Variants in FOXN3 observed in about 807,000 individuals in gnomAD.
The protein encoded by FOXN3 is forkhead box N3, also known as forkhead box protein N3.
Under a neutral mutation model 38.4 loss-of-function variants are expected in FOXN3, and 7 were observed. The observed-to-expected ratio is 0.18, with a 90% CI of 0.10 to 0.34. The LOEUF is 0.34. Ranked by LOEUF, FOXN3 falls within the 10% of genes least tolerant of loss-of-function variation. The probability of loss-of-function intolerance (pLI) is 1.00; values close to 1 mark genes in which losing one functional copy is unlikely to be tolerated. For missense variants in FOXN3, 456 were observed against 613.4 expected (o/e 0.74, Z 2.71); for synonymous variants, 230 against 242.2 (o/e 0.95, Z 0.47).
chr14:89,493,647 C>T (rs1893624355), intron 1 of FOXN3, among the ~76,000 whole-genome samples: 1 of 152,080 alleles, frequency 6.6e-6, no homozygotes, highest in Non-Finnish European at 1.5e-5. Context: ...CAATGGAGCC[C>T]CGATTTCCCC....
chr14:89,199,963 A>G (rs1004190293), intron 4 of FOXN3, among the ~76,000 whole-genome samples: 6 of 152,188 alleles, frequency 3.9e-5, no homozygotes, highest in Non-Finnish European at 5.9e-5. Flanking sequence ...ATTTTATACA[A>G]GAGATTTGAA....
chr14:89,387,506 C>A (rs191223479), intron 2 of FOXN3, among the ~76,000 whole-genome samples: 14 of 152,302 alleles, frequency 9.2e-5, no homozygotes, highest in Middle Eastern at 3.4e-3. Flanking sequence ...ACACAGCTAG[C>A]AAGTCGTAAA....
intron 4 of FOXN3, among the ~76,000 whole-genome samples, chr14:89,262,107 GA>G (rs939283429): frequency 7.7e-4 from 112 of 144,604 alleles, no homozygotes; most frequent in African/African-American, 2.7e-3. Context: ...TGTCTCAAAA[GA>G]AAAAAAAAAG....
chr14:89,172,415 A>G (rs1887412908), intron 5 of FOXN3, among the ~76,000 whole-genome samples: 1 of 152,098 alleles, frequency 6.6e-6, no homozygotes, highest in East Asian at 1.9e-4. Flanking sequence ...ATCCACAACA[A>G]ATTGATGTAG....
At chr14:89,594,633 C>A (rs1028800730) in intron 1 of FOXN3, among the ~76,000 whole-genome samples, 1 of 152,086 alleles carries the variant, frequency 6.6e-6, no homozygotes, top group Non-Finnish European at 1.5e-5. Context: ...AAATTATAGA[C>A]GTTGTAAATA....
At chr14:89,378,947 T>C (rs1267707316) in intron 2 of FOXN3, among the ~76,000 whole-genome samples, 1 of 152,176 alleles carries the variant, frequency 6.6e-6, no homozygotes, top group Non-Finnish European at 1.5e-5. Context: ...CCTCAAGTGA[T>C]CCACCTGCCT....
At chr14:89,456,822 G>C (rs554269284) in intron 1 of FOXN3, among the ~76,000 whole-genome samples, 1 of 152,332 alleles carries the variant, frequency 6.6e-6, no homozygotes, top group East Asian at 1.9e-4. Context: ...TGAGAAGCCA[G>C]TCAGAGATGG....
chr14:89,377,054 A>AG, intron 2 of FOXN3, among the ~76,000 whole-genome samples: 1 of 133,264 alleles, frequency 7.5e-6, no homozygotes, highest in Non-Finnish European at 1.6e-5. Flanking sequence ...AAAAAAAAAA[A>AG]GCTTGAGCCT....
In FOXN3 at chr14:89,336,736, T is replaced by C. The variant is rs569216316; in HGVS notation, c.680+13936A>G. 2.4e-4 allele frequency among the ~76,000 whole-genome samples: 37 copies of C among 152,304 alleles called. 1 individual carries two copies. The South Asian group carries it at 7.3e-3, about 30-fold the overall frequency. On this transcript the variant is annotated intron_variant, in intron 3 of 5. Transcript: ENST00000557258. ...GGAGTCCAAAGCAGATGGAATAAAATAAATTTAAAATTCTTTACAGTCCTA... is the reference window on the plus strand; with the variant it reads ...GGAGTCCAAAGCAGATGGAATAAAACAAATTTAAAATTCTTTACAGTCCTA...
At chr14:89,366,811 C>T (rs535592022) in intron 2 of FOXN3, among the ~76,000 whole-genome samples, 2 of 152,132 alleles carry the variant, frequency 1.3e-5, no homozygotes, top group East Asian at 1.9e-4. Flanking sequence ...ATAAAGGTAA[C>T]GTGGGCCTGA....
intron 4 of FOXN3, among the ~76,000 whole-genome samples, chr14:89,278,097 A>T (rs1181458550): frequency 6.6e-6 from 1 of 152,170 alleles, no homozygotes; most frequent in Non-Finnish European, 1.5e-5. Context: ...CACGCTGCTG[A>T]TAAAGACATA....
intron 3 of FOXN3, chr14:89,349,805 T>A (rs2140007002): frequency 6.6e-6 from 1 of 152,324 alleles, no homozygotes. Flanking sequence ...TGCAAAGAAG[T>A]GGACTGTAAA....
chr14:89,264,673 A>G (rs888346078), intron 4 of FOXN3, among the ~76,000 whole-genome samples: 1 of 152,132 alleles, frequency 6.6e-6, no homozygotes, highest in Admixed American at 6.5e-5. Context: ...CTCACAAGGA[A>G]AGGGCTCCCC....
At chr14:89,346,514 C>G (rs759418518) in intron 3 of FOXN3, among the ~76,000 whole-genome samples, 5 of 152,056 alleles carry the variant, frequency 3.3e-5, no homozygotes, top group Non-Finnish European at 7.4e-5. Context: ...ATGTTTTTCC[C>G]ATGACTAGAC....
At chr14:89,569,159 C>T (rs901920835) in intron 1 of FOXN3, among the ~76,000 whole-genome samples, 3 of 151,988 alleles carry the variant, frequency 2.0e-5, no homozygotes, top group Admixed American at 6.6e-5. Context: ...GAGCCAAGAT[C>T]GCACCACTGC....
intron 1 of FOXN3, among the ~76,000 whole-genome samples, chr14:89,507,559 T>C (rs888746763): frequency 3.3e-5 from 5 of 152,194 alleles, no homozygotes; most frequent in Non-Finnish European, 5.9e-5. Flanking sequence ...ATCCAAAATA[T>C]ATTCTGAAAG....
intron 2 of FOXN3, among the ~76,000 whole-genome samples, chr14:89,411,418 C>A (rs373878717): frequency 6.6e-6 from 1 of 152,184 alleles, no homozygotes; most frequent in Non-Finnish European, 1.5e-5. Flanking sequence ...GTTTAGTCTG[C>A]GAGCGTAAGT....
At chr14:89,448,268 C>G (rs564899105) in intron 1 of FOXN3, among the ~76,000 whole-genome samples, 1 of 152,252 alleles carries the variant, frequency 6.6e-6, no homozygotes, top group South Asian at 2.1e-4. Flanking sequence ...CATATCATTT[C>G]TTCCCGCCCC....
At chr14:89,450,051 A>T (rs1052374709) in intron 1 of FOXN3, among the ~76,000 whole-genome samples, 1 of 152,126 alleles carries the variant, frequency 6.6e-6, no homozygotes, top group Non-Finnish European at 1.5e-5. Flanking sequence ...TGCTGGTGGG[A>T]CCCACTTGTT....
Sources: allele counts gnomAD v4.1 joint callset (sites outside exome capture counted in the v4.1 genomes callset), GRCh38; gene constraint gnomAD v4.1.1; transcripts MANE v1.5; gene names NCBI Gene and HGNC (gene_info 2026-07-23, HGNC 2026-07-21).